The following RBFOX1 variants were observed in gnomAD, a reference collection of about 807,000 sequenced individuals.
RBFOX1 encodes RNA binding fox-1 homolog 1.
A neutral mutation model predicts 57.7 loss-of-function variants in RBFOX1; 8 were observed. The ratio of observed to expected loss-of-function variants is 0.14; its 90% confidence interval spans 0.08 to 0.25. The LOEUF (loss-of-function observed/expected upper bound fraction) is 0.25, where lower values mean the gene tolerates loss of function less well. Among genes scored for constraint, RBFOX1 ranks in the 10% least tolerant of loss-of-function variants. RBFOX1 has a pLI of 1.00. For missense variants in RBFOX1, 611 were observed against 548.5 expected, an observed-to-expected ratio of 1.11 and a Z score of -1.14; for synonymous variants, 326 against 222.4, an observed-to-expected ratio of 1.47 and a Z score of -4.15.
At chr16:6,731,169 T>C (rs1232151397) in intron 3 of RBFOX1, among the ~76,000 whole-genome samples, 1 of 152,130 alleles carries the variant, frequency 6.6e-6, no homozygotes, top group Non-Finnish European at 1.5e-5. Context: ...GCTAGAATTA[T>C]CTAAGATGCA....
intron 1 of RBFOX1, among the ~76,000 whole-genome samples, chr16:6,041,716 G>A (rs565922191): frequency 4.6e-5 from 7 of 152,172 alleles, no homozygotes; most frequent in Admixed American, 4.6e-4. Flanking sequence ...TAGATTCAGG[G>A]GACAAGGTCT....
At chr16:5,417,374 A>C (rs546029702) in intron 1 of RBFOX1, among the ~76,000 whole-genome samples, 1 of 152,252 alleles carries the variant, frequency 6.6e-6, no homozygotes, top group African/African-American at 2.4e-5. Context: ...AGTCTGGCAA[A>C]ACAGGCATGA....
At chr16:6,654,471 A>C in intron 2 of RBFOX1, 132 bp from the exon 3 acceptor site, 1 of 686,656 alleles carries the variant, frequency 1.5e-6, no homozygotes, top group Non-Finnish European at 2.3e-6. Flanking sequence ...CAATGACTCG[A>C]GAAAGAACTA....
At chr16:6,394,494 A>G (rs1339474721) in intron 2 of RBFOX1, among the ~76,000 whole-genome samples, 1 of 130,862 alleles carries the variant, frequency 7.6e-6, no homozygotes, top group Non-Finnish European at 1.7e-5. Flanking sequence ...CCAGAATAGC[A>G]GTGGGAAAAT....
Position 5,578,601 on chromosome 16 carries a change from G to C in RBFOX1, c.259-20301G>C, listed in dbSNP as rs183870275. Among the ~76,000 whole-genome samples the C allele has an allele frequency of 2.0e-5, 3 of 152,250 alleles. No individual in the cohort carries two copies. In the East Asian group the frequency reaches 5.8e-4, roughly 29 times the overall value. ...TTCCCACACAGTGACTCCTGGCATGGGAGAAAAAGCCTGCCTTGTTGTTCT... is the reference window on the plus strand; with the variant it reads ...TTCCCACACAGTGACTCCTGGCATGCGAGAAAAAGCCTGCCTTGTTGTTCT... On this transcript the variant is annotated intron_variant, in intron 2 of 2. Coordinates refer to the RBFOX1 transcript ENST00000585867.
At chr16:5,492,575 T>C (rs2042869638) in intron 2 of RBFOX1, among the ~76,000 whole-genome samples, 1 of 152,206 alleles carries the variant, frequency 6.6e-6, no homozygotes, top group Non-Finnish European at 1.5e-5. Context: ...GCAGAGGCAG[T>C]ACAGTGTGTA....
intron 4 of RBFOX1, among the ~76,000 whole-genome samples, chr16:7,359,199 G>C (rs892986249): frequency 1.1e-4 from 16 of 152,170 alleles, no homozygotes; most frequent in African/African-American, 3.4e-4. Context: ...TCTCTTATCT[G>C]AGCCTTGGTT....
intron 2 of RBFOX1, among the ~76,000 whole-genome samples, chr16:6,529,371 C>T (rs537784049): frequency 6.6e-6 from 1 of 152,060 alleles, no homozygotes; most frequent in Admixed American, 6.6e-5. Flanking sequence ...CCAGCCTGAC[C>T]AACTTGGTGA....
chr16:6,487,148 G>GTGTGTGTGTGTC (rs1555498841), intron 2 of RBFOX1, among the ~76,000 whole-genome samples: 2,932 of 83,378 alleles, frequency 0.035, 101 homozygotes, highest in African/African-American at 0.087. Flanking sequence ...GGGTTTCTGT[G>GTGTGTGTGTGTC]TGTGTGTGTG....
chr16:6,906,246 C>CCCT (rs1555608895), intron 3 of RBFOX1, among the ~76,000 whole-genome samples: 1 of 151,988 alleles, frequency 6.6e-6, no homozygotes, highest in African/African-American at 2.4e-5. Flanking sequence ...ATTACCCCCC[C>CCCT]CCAAAATATA....
chr16:7,578,869 C>A (rs554584682), intron 5 of RBFOX1, among the ~76,000 whole-genome samples: 2 of 152,164 alleles, frequency 1.3e-5, no homozygotes, highest in Admixed American at 6.5e-5. Context: ...GTGACTGTGA[C>A]TTTTCCCCTC....
intron 3 of RBFOX1, among the ~76,000 whole-genome samples, chr16:6,702,900 T>C (rs1270573828): frequency 6.6e-6 from 1 of 152,230 alleles, no homozygotes; most frequent in East Asian, 1.9e-4. Context: ...GGAAACTTTG[T>C]ACCTATGAGA....
intron 2 of RBFOX1, among the ~76,000 whole-genome samples, chr16:5,573,602 G>T (rs1202369500): frequency 1.3e-5 from 2 of 152,032 alleles, no homozygotes; most frequent in African/African-American, 4.8e-5. Context: ...TGCTTCCCTG[G>T]GTCCCAGTCC....
In RBFOX1 at chr16:6,830,360, C is replaced by T. The variant is rs13335674; in HGVS notation, c.-16+175710C>T. Among the ~76,000 whole-genome samples the T allele has an allele frequency of 1.1e-3, 174 of 152,148 alleles. 1 individual carries two copies. The highest frequency in any genetic ancestry group is 4.1e-3 in the African/African-American group (171 of 41,520). On this transcript the variant is annotated intron_variant, in intron 3 of 15. Coordinates refer to ENST00000550418, the MANE Select transcript of RBFOX1 (RefSeq NM_018723.4). ...AACATTGTTTCATAAGAAAATATTC[C>T]ACTTTTTTTTTCCAGTTTATCTTTG...
At chr16:6,177,330 C>T (rs2097020010) in intron 1 of RBFOX1, among the ~76,000 whole-genome samples, 3 of 152,090 alleles carry the variant, frequency 2.0e-5, no homozygotes, top group Admixed American at 2.0e-4. Context: ...ACCCAATTTC[C>T]TCTTCCCAGT....
intron 4 of RBFOX1, among the ~76,000 whole-genome samples, chr16:7,362,326 TTTGTG>T (rs1383820177): frequency 6.6e-6 from 1 of 150,978 alleles, no homozygotes; most frequent in East Asian, 1.9e-4. Flanking sequence ...GTGTGTATGT[TTTGTG>T]TGTATGTTAG....
chr16:7,589,355 C>T (rs1017445324), intron 7 of RBFOX1, among the ~76,000 whole-genome samples: 1 of 152,158 alleles, frequency 6.6e-6, no homozygotes, highest in Non-Finnish European at 1.5e-5. Context: ...AGAAGAATAT[C>T]ATTTGCCATT....
At chr16:7,535,826 T>C (rs925918810) in intron 5 of RBFOX1, among the ~76,000 whole-genome samples, 1 of 152,252 alleles carries the variant, frequency 6.6e-6, no homozygotes, top group African/African-American at 2.4e-5. Context: ...CTGTGCCTTA[T>C]TCATCACTTT....
intron 1 of RBFOX1, among the ~76,000 whole-genome samples, chr16:6,094,675 G>A (rs1047015850): frequency 6.6e-6 from 1 of 152,202 alleles, no homozygotes; most frequent in African/African-American, 2.4e-5. Context: ...CACAGGCATT[G>A]CATCTTATCC....
Sources: allele counts gnomAD v4.1 joint callset (sites outside exome capture counted in the v4.1 genomes callset), GRCh38; gene constraint gnomAD v4.1.1; transcripts MANE v1.5; gene names NCBI Gene and HGNC (gene_info 2026-07-23, HGNC 2026-07-21).